The following WNK2 variants were observed in gnomAD, a reference collection of about 807,000 sequenced individuals.
The protein encoded by WNK2 is WNK lysine deficient protein kinase 2.
Under a neutral mutation model 192.1 loss-of-function variants are expected in WNK2, and 67 were observed. The ratio of observed to expected loss-of-function variants is 0.35; its 90% CI spans 0.29 to 0.43. The LOEUF is 0.43. Ranked by LOEUF, WNK2 falls within the 20% of genes least tolerant of loss-of-function variation. WNK2 has a pLI of 1.00. For synonymous variants in WNK2, 1,439 were observed against 1,393.9 expected (o/e 1.03, Z -0.72); for missense variants, 2,698 against 3,089.7 (o/e 0.87, Z 3.01).
intron 4 of WNK2, 69 bp from the exon 5 acceptor site, chr9:93,234,739 G>A (rs1301265529): frequency 6.5e-7 from 1 of 1,546,762 alleles, no homozygotes; most frequent in African/African-American, 1.4e-5. Flanking sequence ...AAAGCTCCCG[G>A]GACACTGGCT....
intron 2 of WNK2, among the ~76,000 whole-genome samples, chr9:93,200,365 G>A (rs1266566884): frequency 6.6e-6 from 1 of 152,194 alleles, no homozygotes; most frequent in Non-Finnish European, 1.5e-5. Flanking sequence ...AGGGAGACCC[G>A]AGGCTGTCTG....
chr9:93,187,476 T>G (rs1829551280), intron 2 of WNK2, among the ~76,000 whole-genome samples: 1 of 152,186 alleles, frequency 6.6e-6, no homozygotes, highest in African/African-American at 2.4e-5. Flanking sequence ...CTCCAACATT[T>G]GTCCCTAGTC....
intron 25 of WNK2, 149 bp downstream of exon 25, chr9:93,299,410 A>T: frequency 2.5e-6 from 2 of 810,852 alleles, no homozygotes; most frequent in South Asian, 4.7e-5. Context: ...AAAAAAAAAA[A>T]GGTGTAGTCT....
In WNK2 at chr9:93,252,983, G is replaced by T. The variant is rs143979324; in HGVS notation, c.1935G>T (p.Pro645=). The change falls in exon 9 of 30, where the codon CCG becomes CCT. Residue 645 remains proline (P), a synonymous_variant. Transcript: ENST00000427277. The part of the protein sequence containing the change: ...VMLGSLADAA[P]SPAQCVCSPP... Reference sequence around the variant, plus strand: ...TTGGCTCCCTTGCCGACGCAGCGCCGTCCCCGGCCCAGTGTGTGTGCAGCC... The same window carrying T: ...TTGGCTCCCTTGCCGACGCAGCGCCTTCCCCGGCCCAGTGTGTGTGCAGCC... The T allele has an allele frequency of 6.4e-7, 1 of 1,566,796 alleles. No homozygotes were observed. The highest frequency in any genetic ancestry group is 8.6e-7 in the Non-Finnish European group (1 of 1,157,264).
chr9:93,211,290 A>T (rs371513945), intron 2 of WNK2, among the ~76,000 whole-genome samples: 43 of 106,580 alleles, frequency 4.0e-4, no homozygotes, highest in South Asian at 6.5e-4. Flanking sequence ...ACTCACTCAT[A>T]CACTCAGTCA....
chr9:93,200,968 A>G lies in WNK2; in HGVS notation c.681+15358A>G, dbSNP rs559632081. Among the ~76,000 whole-genome samples, 35 of 152,294 alleles carry G rather than the reference A, an allele frequency of 2.3e-4. No individual in the cohort carries two copies. The East Asian group carries it at 6.6e-3, about 29-fold the overall frequency. On this transcript the variant is annotated intron_variant, in intron 2 of 29. Coordinates refer to ENST00000427277, the MANE Select transcript of WNK2 (RefSeq NM_006648.4). ...ATCTTAAGATAGAAAGGGACCGATG[A>G]TATTTTTTAAAGGTAAAGGAAAATA...
intron 19 of WNK2, among the ~76,000 whole-genome samples, chr9:93,278,995 A>G (rs1342690173): frequency 1.3e-5 from 2 of 152,222 alleles, no homozygotes; most frequent in South Asian, 2.1e-4. Context: ...GATGAAGGGA[A>G]TATACAAAAT....
rs774016520 is a variant in WNK2 at position 93,259,010 on chromosome 9, C to T, written c.2462C>T (p.Pro821Leu). The change falls in exon 12 of 30, where the codon CCG becomes CTG. Residue 821 changes from proline (P) to leucine (L), a missense_variant. Pro to Leu is a moderately conservative substitution (Grantham distance 98). This residue lies in a region of WNK2 where 893 missense variants were observed against 909.0 expected (regional missense o/e 0.98). Coordinates refer to ENST00000427277, the MANE Select transcript of WNK2 (RefSeq NM_006648.4). The surrounding 1 kb of genome is among the most constrained non-coding windows in gnomAD (Gnocchi z 4.8). The stretch of plus-strand genomic sequence containing the variant: ...CTCCCTCCGGCCCTCCCAGACCTGC[C>T]GACCGCGACTGTGCCTCCCGTGCCA... Reference protein sequence around the residue: ...DGLPPALPDLPTATVPPVPPP... With the variant: ...DGLPPALPDLLTATVPPVPPP... 18 of 1,612,812 alleles carry T rather than the reference C, an allele frequency of 1.1e-5. No homozygotes were observed. The highest frequency in any genetic ancestry group is 8.0e-5 in the African/African-American group (6 of 74,858).
At chr9:93,260,225 C>T (rs1844003108) in intron 12 of WNK2, among the ~76,000 whole-genome samples, 1 of 151,676 alleles carries the variant, frequency 6.6e-6, no homozygotes, top group Non-Finnish European at 1.5e-5. Flanking sequence ...GGTGGGAGGC[C>T]TTCCCACAGG....
chr9:93,308,401 G>C lies in WNK2; in HGVS notation c.6333G>C (p.Val2111=), dbSNP rs1482110169. ...PQPALHVQAQ[V]NNSNNKKGTF... Reference sequence around the variant, plus strand: ...CCGCCCTGCACGTCCAGGCGCAGGTGAACAACAGCAACAACAAGAAGGGTA... The same window carrying C: ...CCGCCCTGCACGTCCAGGCGCAGGTCAACAACAGCAACAACAAGAAGGGTA... Residue 2111 remains valine (V), a synonymous_variant, in exon 28 of 30, where the codon GTG becomes GTC. Transcript: ENST00000427277. 1 of 1,590,568 alleles carries C rather than the reference G, an allele frequency of 6.3e-7. No homozygotes were observed. Among genetic ancestry groups the C allele is most frequent in the Non-Finnish European group, 8.6e-7 (1 of 1,169,458 alleles).
At position 93,268,698 on chromosome 9, in the gene WNK2, T is replaced by A. The variant is rs1845557751; in HGVS notation, c.3985T>A (p.Ser1329Thr). 3 of 1,613,252 alleles carry A rather than the reference T, an allele frequency of 1.9e-6. No homozygotes were observed. Among genetic ancestry groups the A allele is most frequent in the African/African-American group, 2.7e-5 (2 of 74,854 alleles). Residue 1329 changes from serine (S) to threonine (T), a missense_variant, in exon 19 of 30, where the codon TCT becomes ACT. Physicochemically the swap from Ser to Thr is moderately conservative, Grantham distance 58. Coordinates refer to ENST00000427277, the MANE Select transcript of WNK2 (RefSeq NM_006648.4). ...GCACCCCGCCCCCGAGGCCCCTGAA[T>A]CTTCGCCCCCACTTCCTCTAAGCTC... ...AEHPAPEAPE[S>T]SPPLPLSSLP...
chr9:93,256,341 C>A lies in WNK2; in HGVS notation c.2077C>A (p.Pro693Thr). ...CTCTGTCCCGGCCCCCGCCTGCCCT[C>A]CGTCCCTCCAGCAGCACTTCCCGGA... ...VGSVPAPACP[P>T]SLQQHFPDPA... is the part of the protein sequence containing the mutation. Residue 693 changes from proline to threonine, a missense_variant, in exon 10 of 30, where the codon CCG (proline) becomes ACG (threonine). Physicochemically the swap from Pro to Thr is conservative, Grantham distance 38. Coordinates refer to ENST00000427277, the MANE Select transcript of WNK2 (RefSeq NM_006648.4). 6.3e-7 allele frequency: 1 copy of A among 1,584,856 alleles called. No homozygotes were observed.
chr9:93,239,036 C>G lies in WNK2; in HGVS notation c.1322+715C>G, dbSNP rs1426850601. Among the ~76,000 whole-genome samples, 1 of 152,202 alleles carries G rather than the reference C, an allele frequency of 6.6e-6. No homozygotes were observed. Among genetic ancestry groups the G allele is most frequent in the African/African-American group, 2.4e-5 (1 of 41,450 alleles). ...AGAGGAAGCCAGGCCCCAAAGAGTG[C>G]GTGCTGTGTGGTTCCATTTATAGGG... On this transcript the variant is annotated intron_variant, in intron 6 of 29. Coordinates refer to ENST00000427277, the MANE Select transcript of WNK2 (RefSeq NM_006648.4). This position sits in a 1 kb window ranked among gnomAD's most constrained non-coding sequence, Gnocchi z 4.2.
intron 2 of WNK2, among the ~76,000 whole-genome samples, chr9:93,214,313 A>T (rs4744193): frequency 0.23 from 34,460 of 151,248 alleles, 4,469 homozygotes; most frequent in African/African-American, 0.35. Context: ...TTATTTATTT[A>T]TTTATTTTGA....
At chr9:93,195,338 C>T (rs756804296) in intron 2 of WNK2, among the ~76,000 whole-genome samples, 2 of 152,078 alleles carry the variant, frequency 1.3e-5, no homozygotes, top group Admixed American at 6.5e-5. Flanking sequence ...TCAATTTTCC[C>T]ATAAATCTAG....
chr9:93,239,716 C>T lies in WNK2; in HGVS notation c.1323-41C>T. 1.3e-6 allele frequency: 2 copies of T among 1,525,312 alleles called. No homozygotes were observed. Among genetic ancestry groups the T allele is most frequent in the Non-Finnish European group, 1.8e-6 (2 of 1,128,226 alleles). 94.5% of individuals were successfully genotyped at this position (1,525,312 alleles called of 1,614,324 possible). On this transcript the variant is annotated intron_variant, in intron 6 of 29. Transcript: ENST00000427277. The surrounding 1 kb of genome is among the most constrained non-coding windows in gnomAD (Gnocchi z 4.2). ...ACACAGGAGCCTGGGCATGGAGGCC[C>T]TGGCGCCCGTGCCCCTGCCTGTCAG...
intron 2 of WNK2, among the ~76,000 whole-genome samples, chr9:93,228,515 G>A (rs1838193358): frequency 6.6e-6 from 1 of 152,178 alleles, no homozygotes; most frequent in Non-Finnish European, 1.5e-5. Context: ...GAAAATACAC[G>A]TTTCTTTTCT....
At chr9:93,219,942 C>T (rs906569292) in intron 2 of WNK2, among the ~76,000 whole-genome samples, 3 of 152,226 alleles carry the variant, frequency 2.0e-5, no homozygotes, top group African/African-American at 4.8e-5. Flanking sequence ...TGCTTAGCGC[C>T]GGGCTCCTCC....
intron 2 of WNK2, among the ~76,000 whole-genome samples, chr9:93,198,030 C>T (rs1169520800): frequency 1.3e-5 from 2 of 152,122 alleles, no homozygotes; most frequent in African/African-American, 4.8e-5. Context: ...TGCTGTGATT[C>T]CCCCCTCAGT....
Sources: allele counts gnomAD v4.1 joint callset (sites outside exome capture counted in the v4.1 genomes callset), GRCh38; gene constraint gnomAD v4.1.1; regional missense constraint gnomAD v4.1.1; non-coding constraint Gnocchi (gnomAD v3.1); transcripts MANE v1.5; gene names NCBI Gene and HGNC (gene_info 2026-07-23, HGNC 2026-07-21).